Variants in SCAP observed in about 807,000 individuals in gnomAD.
SCAP encodes SREBF chaperone, also known as sterol regulatory element-binding protein cleavage-activating protein.
A neutral mutation model predicts 123.6 loss-of-function variants in SCAP; 65 were observed. The observed-to-expected ratio is 0.53, with a 90% CI of 0.43 to 0.65. SCAP has a LOEUF of 0.65. SCAP is among the 30% of genes least tolerant of loss of function. The probability of loss-of-function intolerance (pLI) is 0.00; values close to 1 mark genes in which losing one functional copy is unlikely to be tolerated. For synonymous variants in SCAP, 740 were observed against 726.3 expected, an observed-to-expected ratio of 1.02 and a Z score of -0.30; for missense variants, 1,398 against 1,712.5, an observed-to-expected ratio of 0.82 and a Z score of 3.24.
Position 47,413,795 on chromosome 3 carries a change from C to T in SCAP, c.*59G>A. 1 of 1,572,636 alleles carries T rather than the reference C, an allele frequency of 6.4e-7. No homozygotes were observed. Among genetic ancestry groups the T allele is most frequent in the Non-Finnish European group, 8.6e-7 (1 of 1,156,848 alleles). ...CGGCTCTTTCCCCCAAGTCCAGGTT[C>T]AGTGCATTGGCCCCCACACAGCACC... On this transcript the variant is annotated 3_prime_UTR_variant, in exon 23 of 23. Transcript: ENST00000265565.
At position 47,428,671 on chromosome 3, in the gene SCAP, C is replaced by G. The variant is rs769408807; in HGVS notation, c.253-1G>C. 3.1e-6 allele frequency: 5 copies of G among 1,613,614 alleles called. No homozygotes were observed. The highest frequency in any genetic ancestry group is 4.2e-6 in the Non-Finnish European group (5 of 1,179,738). On this transcript the variant is annotated splice_acceptor_variant, in intron 3 of 22. Transcript: ENST00000265565. LOFTEE classifies it high-confidence loss of function. ...CATAAGCCACCGGGGCACCCACATA[C>G]TGCAGAAGAAATGAGGGAGGGCAGA...
In SCAP at chr3:47,473,080, CAAAAAA is replaced by C. The variant is rs34472664; in HGVS notation, c.-99+2713_-99+2718del. 2.1e-4 allele frequency among the ~76,000 whole-genome samples: 8 copies of C among 38,056 alleles called. 1 individual carries two copies. In the Admixed American group the frequency reaches 2.3e-3, roughly 11 times the overall value. The allele number at this position is 38,056 out of a possible 152,430, so 25.0% of individuals were successfully genotyped here. A position where few individuals can be genotyped will look rare whatever the true frequency, so the allele number is the denominator to read the frequency against. ...GGGCAAGAAGAGCGAAACTCCATCTCAAAAAAAAAAAAAAAAAAACAGACTGTGGAA... is the reference window on the plus strand; with the variant it reads ...GGGCAAGAAGAGCGAAACTCCATCTCAAAAAAAAAAAAACAGACTGTGGAA... On this transcript the variant is annotated intron_variant, in intron 1 of 22. Transcript: ENST00000265565.
intron 3 of SCAP, among the ~76,000 whole-genome samples, chr3:47,433,123 G>A (rs964042983): frequency 7.2e-5 from 11 of 152,172 alleles, no homozygotes; most frequent in Non-Finnish European, 1.3e-4. Context: ...AGTCAGCCCT[G>A]CACCTGGCTG....
rs1559535349 is a variant in SCAP at position 47,415,101 on chromosome 3, TA to T, written c.3135del (p.Phe1045LeufsTer26). The T allele has an allele frequency of 1.2e-6, 2 of 1,607,306 alleles. No homozygotes were observed. The highest frequency in any genetic ancestry group is 3.4e-5 in the Admixed American group (2 of 58,458). ...TGCCCACCCCAGGCCCTCCGACCTC[TA>T]AACTGCAGGGGGCTGAGGGCAGTGT... ...ETHTALSPLQ[F>X]RGTPGRGSSP... On this transcript the variant is annotated frameshift_variant, in exon 19 of 23. Transcript: ENST00000265565. LOFTEE classifies it high-confidence loss of function.
intron 1 of SCAP, among the ~76,000 whole-genome samples, chr3:47,456,963 G>A (rs1033989186): frequency 1.3e-5 from 2 of 152,116 alleles, no homozygotes; most frequent in African/African-American, 4.8e-5. Context: ...GAGGCGGGTG[G>A]ATCACCTGAG....
rs1706174688 is a variant in SCAP, at chr3:47,427,243, A to G, written c.651T>C (p.Pro217=). The change falls in exon 6 of 23, where the codon CCT becomes CCC. Residue 217 remains proline (P), a synonymous_variant. Coordinates refer to ENST00000265565, the MANE Select transcript of SCAP (RefSeq NM_012235.4). Reference sequence around the variant, plus strand: ...AGAGGCTCACCCCGCTGTACTTCCCAGGAACACCAAATAACAAGTCTGCAA... The same window carrying G: ...AGAGGCTCACCCCGCTGTACTTCCCGGGAACACCAAATAACAAGTCTGCAA... ...ATLKDLLFGV[P]GKYSGVSLYT... The G allele has an allele frequency of 1.2e-6, 2 of 1,613,800 alleles. No homozygotes were observed. The highest frequency in any genetic ancestry group is 1.7e-4 in the Middle Eastern group (1 of 6,050).
chr3:47,435,191 C>G, intron 2 of SCAP, 54 bp from the exon 3 acceptor site: 1 of 1,553,248 alleles, frequency 6.4e-7, no homozygotes, highest in Non-Finnish European at 8.7e-7. Context: ...GCAGTCCTCT[C>G]TCAGCACTGA....
intron 1 of SCAP, among the ~76,000 whole-genome samples, chr3:47,458,155 A>C (rs906021270): frequency 6.6e-6 from 1 of 151,642 alleles, no homozygotes; most frequent in Non-Finnish European, 1.5e-5. Flanking sequence ...GGGCGTGGCC[A>C]GGCGCAGTGG....
At chr3:47,431,181 G>A (rs1440174282) in intron 3 of SCAP, among the ~76,000 whole-genome samples, 3 of 17,120 alleles carry the variant, frequency 1.8e-4, no homozygotes, top group Admixed American at 1.5e-3. Flanking sequence ...GCTCACACAG[G>A]TCTGAGCAGG....
intron 4 of SCAP, among the ~76,000 whole-genome samples, chr3:47,428,068 C>T (rs1461435067): frequency 6.6e-6 from 1 of 152,176 alleles, no homozygotes; most frequent in Non-Finnish European, 1.5e-5. Flanking sequence ...ATGCAGCTTG[C>T]CAATTACACA....
intron 2 of SCAP, among the ~76,000 whole-genome samples, chr3:47,442,039 G>A (rs1706828654): frequency 1.3e-5 from 2 of 152,072 alleles, no homozygotes; most frequent in Admixed American, 6.6e-5. Flanking sequence ...TCAGGGAAGA[G>A]CTTGAGATCA....
At chr3:47,465,063 G>A (rs1206835176) in intron 1 of SCAP, among the ~76,000 whole-genome samples, 1 of 151,858 alleles carries the variant, frequency 6.6e-6, no homozygotes, top group African/African-American at 2.4e-5. Context: ...TTTAAGCAAG[G>A]GAGACAAAAG....
At chr3:47,452,772 T>C (rs931258894) in intron 1 of SCAP, among the ~76,000 whole-genome samples, 3 of 152,078 alleles carry the variant, frequency 2.0e-5, no homozygotes, top group Non-Finnish European at 4.4e-5. Context: ...GGTGCCCACA[T>C]CTTGAACATA....
intron 1 of SCAP, among the ~76,000 whole-genome samples, chr3:47,464,313 G>C (rs1559569678): frequency 1.3e-5 from 2 of 151,506 alleles, no homozygotes; most frequent in Non-Finnish European, 2.9e-5. Context: ...ACTGCACCAG[G>C]CTTTTTTTAT....
intron 1 of SCAP, among the ~76,000 whole-genome samples, chr3:47,471,224 A>T (rs1708014060): frequency 6.6e-6 from 1 of 152,208 alleles, no homozygotes; most frequent in South Asian, 2.1e-4. Flanking sequence ...GGCAAGGCTC[A>T]GAGGGATTCA....
At chr3:47,473,086 A>AAAAAAAAAAAAAAAAAAAAAC (rs1452211445) in intron 1 of SCAP, among the ~76,000 whole-genome samples, 2 of 144,064 alleles carry the variant, frequency 1.4e-5, no homozygotes, top group Non-Finnish European at 3.0e-5. Context: ...ATCTCAAAAA[A>AAAAAAAAAAAAAAAAAAAAAC]AAAAAAAAAA....
chr3:47,475,915 C>CCT lies in SCAP; in HGVS notation c.-217_-216dup. 6.5e-6 allele frequency: 1 copy of CCT among 153,902 alleles called. No individual in the cohort carries two copies. Among genetic ancestry groups the CCT allele is most frequent in the Non-Finnish European group, 1.5e-5 (1 of 68,888 alleles). 9.5% of individuals were successfully genotyped at this position (153,902 alleles called of 1,614,324 possible). A position where few individuals can be genotyped will look rare whatever the true frequency, so the allele number is the denominator to read the frequency against. ...CCGCAGTCCGGTGCGTGGCGCCCTC[C>CCT]CTCTCTCTCCTGGCCGCCGGGTGCC... On this transcript the variant is annotated 5_prime_UTR_variant, in exon 1 of 23. Coordinates refer to ENST00000265565, the MANE Select transcript of SCAP (RefSeq NM_012235.4).
In SCAP at chr3:47,414,070, G is replaced by A. The variant is rs1400600866; in HGVS notation, c.3624C>T (p.Val1208=). 11 of 1,613,388 alleles carry A rather than the reference G, an allele frequency of 6.8e-6. No homozygotes were observed. The highest frequency in any genetic ancestry group is 9.3e-6 in the Non-Finnish European group (11 of 1,180,022). ...CAGTCACCAGCAGGTTGTCTGAGAT[G>A]ACACCCAAGCTTGCACCACAGCCCA... is the stretch of plus-strand genomic sequence containing the variant. ...QDLGCGASLG[V]ISDNLLVTGG... is the part of the protein sequence containing the mutation. Residue 1208 remains valine, a synonymous_variant, in exon 23 of 23, where the codon GTC becomes GTT. Transcript: ENST00000265565.
At chr3:47,473,609 CTG>C (rs990764530) in intron 1 of SCAP, among the ~76,000 whole-genome samples, 2 of 152,190 alleles carry the variant, frequency 1.3e-5, no homozygotes, top group African/African-American at 4.8e-5. Context: ...CGGTAAAACA[CTG>C]GCAACCACCA....
Sources: allele counts gnomAD v4.1 joint callset (sites outside exome capture counted in the v4.1 genomes callset), GRCh38; gene constraint gnomAD v4.1.1; transcripts MANE v1.5; gene names NCBI Gene and HGNC (gene_info 2026-07-23, HGNC 2026-07-21).